The following RUNDC3A variants were observed in gnomAD, a reference collection of about 807,000 sequenced individuals.
The protein encoded by RUNDC3A is RUN domain-containing protein 3A.
RUNDC3A carries 28 observed loss-of-function variants against 53.9 expected under a neutral mutation model. That is an observed-to-expected ratio of 0.52 (90% CI 0.38 to 0.71). The LOEUF (loss-of-function observed/expected upper bound fraction) is 0.71, where lower values mean the gene tolerates loss of function less well. Among genes scored for constraint, RUNDC3A ranks in the 30% least tolerant of loss-of-function variants. The probability of loss-of-function intolerance (pLI) is 0.00; values close to 1 mark genes in which losing one functional copy is unlikely to be tolerated. For synonymous variants in RUNDC3A, 232 were observed against 249.4 expected (o/e 0.93, Z 0.66); for missense variants, 491 against 597.3 (o/e 0.82, Z 1.85).
At chr17:44,311,424 C>G in intron 1 of RUNDC3A, 1 of 822,562 alleles carries the variant, frequency 1.2e-6, no homozygotes, top group Non-Finnish European at 1.5e-6. Context: ...CCGAACAGAT[C>G]AGTCAACCTC....
rs1239584311 is a variant in RUNDC3A at position 44,318,295 on chromosome 17, TTTC to T, written c.*61_*63del. 9 of 1,511,666 alleles carry T rather than the reference TTTC, an allele frequency of 6.0e-6. No individual in the cohort carries two copies. Among genetic ancestry groups the T allele is most frequent in the Non-Finnish European group, 8.1e-6 (9 of 1,116,518 alleles). 93.6% of individuals were successfully genotyped at this position (1,511,666 alleles called of 1,614,324 possible). On this transcript the variant is annotated 3_prime_UTR_variant, in exon 11 of 11. Transcript: ENST00000426726. ...CCAGGGGCCATGGACACCTGCCACC[TTTC>T]TTCAACAAGAGTCCCCCAATCCAGG...
chr17:44,312,735 C>T (rs1449308473), intron 2 of RUNDC3A, 40 bp downstream of exon 2: 9 of 1,032,298 alleles, frequency 8.7e-6, no homozygotes, highest in East Asian at 2.9e-5. Flanking sequence ...CCTCCCCCAG[C>T]GCCCCTCCCC....
rs2047794762 is a variant in RUNDC3A, at chr17:44,313,670, G to A, written c.458+167G>A. 6 of 1,338,026 alleles carry A rather than the reference G, an allele frequency of 4.5e-6. No homozygotes were observed. The South Asian group carries it at 9.9e-5, about 22-fold the overall frequency. 82.9% of individuals were successfully genotyped at this position (1,338,026 alleles called of 1,614,324 possible). A position where few individuals can be genotyped will look rare whatever the true frequency, so the allele number is the denominator to read the frequency against. On this transcript the variant is annotated intron_variant, in intron 4 of 10. Coordinates refer to ENST00000426726, the MANE Select transcript of RUNDC3A (RefSeq NM_001144825.2). The stretch of plus-strand genomic sequence containing the variant: ...CTTCCAGCCTGGCCTGCAGTCCCAG[G>A]ACGAACTCTTTTTTTTTTTTTTTTT...
chr17:44,313,677 T>TA, intron 4 of RUNDC3A, 174 bp downstream of exon 4: 8 of 1,141,518 alleles, frequency 7.0e-6, no homozygotes, highest in Non-Finnish European at 8.9e-6. Flanking sequence ...CAGGACGAAC[T>TA]CTTTTTTTTT....
At chr17:44,313,379 C>G (rs771787026) in intron 3 of RUNDC3A, 39 bp from the exon 4 acceptor site, 1 of 1,613,182 alleles carries the variant, frequency 6.2e-7, no homozygotes, top group Non-Finnish European at 8.5e-7. Context: ...ACACATGAGT[C>G]CCTCTGGGGC....
rs555978061 is a variant in RUNDC3A at position 44,316,060 on chromosome 17, T to C, written c.954-325T>C. 2.9e-3 allele frequency among the ~76,000 whole-genome samples: 440 copies of C among 152,102 alleles called. 2 individuals are homozygous for C. The highest frequency in any genetic ancestry group is 0.01 in the African/African-American group (417 of 41,476). On this transcript the variant is annotated intron_variant, in intron 8 of 10. Coordinates refer to ENST00000426726, the MANE Select transcript of RUNDC3A (RefSeq NM_001144825.2). ...TCTTCTCTACGCCTTTCCACCACCC[T>C]GATCTTGCGGCAAGATCCCCAAGAC...
chr17:44,311,137 C>G (rs1567852311), intron 1 of RUNDC3A: 2 of 985,592 alleles, frequency 2.0e-6, no homozygotes, highest in East Asian at 2.3e-4. Context: ...AGTGCAACCC[C>G]AAGACTGACC....
rs1238286599 is a variant in RUNDC3A, at chr17:44,315,632, C to G, written c.953+23C>G. On this transcript the variant is annotated intron_variant, in intron 8 of 10. Transcript: ENST00000426726. The surrounding 1 kb of genome is among the most constrained non-coding windows in gnomAD (Gnocchi z 6.1). ...GCTGTGAGCGCACGGCCTGCCCTAA[C>G]CCCTGACCCCCGCCGCCCCGACCAC... The G allele has an allele frequency of 7.1e-7, 1 of 1,408,446 alleles. No individual in the cohort carries two copies. The highest frequency in any genetic ancestry group is 9.3e-7 in the Non-Finnish European group (1 of 1,071,686). The allele number at this position is 1,408,446 out of a possible 1,614,324, so 87.2% of individuals were successfully genotyped here. A position where few individuals can be genotyped will look rare whatever the true frequency, so the allele number is the denominator to read the frequency against.
In RUNDC3A at chr17:44,312,707, G is replaced by A. The variant is rs760146044; in HGVS notation, c.223+12G>A. On this transcript the variant is annotated intron_variant, in intron 2 of 10. Transcript: ENST00000426726. ...CCACCGCTTCAAAGGTGGGCCCAGC[G>A]CCCCTCCCCCAGCGGTCCCTCCCCC... is the stretch of plus-strand genomic sequence containing the variant. 37 of 1,449,008 alleles carry A rather than the reference G, an allele frequency of 2.6e-5. No individual in the cohort carries two copies. The highest frequency in any genetic ancestry group is 4.4e-5 in the Admixed American group (2 of 45,514). The allele number at this position is 1,449,008 out of a possible 1,614,324, so 89.8% of individuals were successfully genotyped here. A position where few individuals can be genotyped will look rare whatever the true frequency, so the allele number is the denominator to read the frequency against.
chr17:44,310,925 C>T (rs754128032), intron 1 of RUNDC3A: 107 of 985,438 alleles, frequency 1.1e-4, no homozygotes, highest in African/African-American at 2.3e-4. Context: ...TTCCCAGCCA[C>T]GACCCCGCTC....
chr17:44,312,603 A>G lies in RUNDC3A; in HGVS notation c.131A>G (p.Glu44Gly). 1 of 1,576,890 alleles carries G rather than the reference A, an allele frequency of 6.3e-7. No individual in the cohort carries two copies. Among genetic ancestry groups the G allele is most frequent in the South Asian group, 1.2e-5 (1 of 85,524 alleles). The part of the protein sequence containing the change: ...VCRFSVKTLL[E>G]KYTAEPIDDS... ...AGGTTCTCTGTGAAAACGCTGCTGG[A>G]GAAGTACACAGCGGAGCCCATCGAT... Residue 44 changes from glutamate to glycine, a missense_variant, in exon 2 of 11, where the codon GAG becomes GGG. Transcript: ENST00000426726.
Position 44,313,500 on chromosome 17 carries a change from C to T in RUNDC3A, c.455C>T (p.Thr152Ile). ...ITTALRDTRTTRRFYDSGAIM... is the reference protein window; with the variant it reads ...ITTALRDTRTIRRFYDSGAIM... ...ACGGCTCTGCGTGACACCCGGACCA[C>T]CAGGTCAGACTTCCCAGGCAACTCA... The change falls in exon 4 of 11, where the codon ACC (threonine) becomes ATC (isoleucine). Residue 152 changes from threonine to isoleucine, a missense_variant. Transcript: ENST00000426726. The T allele has an allele frequency of 6.2e-7, 1 of 1,608,048 alleles. No individual in the cohort carries two copies. Among genetic ancestry groups the T allele is most frequent in the South Asian group, 1.1e-5 (1 of 90,900 alleles).
intron 10 of RUNDC3A, chr17:44,317,681 G>A: frequency 1.5e-6 from 1 of 648,816 alleles, no homozygotes; most frequent in South Asian, 1.7e-5. Context: ...TTGAGACAAG[G>A]CAGGCTGTGG....
rs1455292043 is a variant in RUNDC3A at position 44,318,234 on chromosome 17, G to A, written c.1337G>A (p.Ser446Asn). The A allele has an allele frequency of 2.6e-6, 4 of 1,550,164 alleles. No individual in the cohort carries two copies. The highest frequency in any genetic ancestry group is 2.6e-6 in the Non-Finnish European group (3 of 1,146,482). ...SPEGSPALSP[S>N] ...GAGGGCAGCCCAGCACTGAGCCCCA[G>A]CTGAGGAACAGCATGGGCAGTGCCA... Residue 446 changes from serine (S) to asparagine (N), a missense_variant, in exon 11 of 11, where the codon AGC (serine) becomes AAC (asparagine). Coordinates refer to ENST00000426726, the MANE Select transcript of RUNDC3A (RefSeq NM_001144825.2).
rs913920378 is a variant in RUNDC3A, at chr17:44,318,531, G to A, written c.*293G>A. The A allele has an allele frequency of 1.0e-5, 4 of 389,110 alleles. No individual in the cohort carries two copies. Among genetic ancestry groups the A allele is most frequent in the African/African-American group, 2.0e-5 (1 of 49,768 alleles). The allele number at this position is 389,110 out of a possible 1,614,324, so 24.1% of individuals were successfully genotyped here. ...TGGCGCTCCTTCACTCATCTCCCCTGCCCCCTCAGGAACTGGTGGCCCAGC... is the reference window on the plus strand; with the variant it reads ...TGGCGCTCCTTCACTCATCTCCCCTACCCCCTCAGGAACTGGTGGCCCAGC... On this transcript the variant is annotated 3_prime_UTR_variant, in exon 11 of 11. Transcript: ENST00000426726.
rs2047915530 is a variant in RUNDC3A at position 44,318,271 on chromosome 17, CA to C, written c.*34del. 6.5e-7 allele frequency: 1 copy of C among 1,534,698 alleles called. No individual in the cohort carries two copies. On this transcript the variant is annotated 3_prime_UTR_variant, in exon 11 of 11. Coordinates refer to ENST00000426726, the MANE Select transcript of RUNDC3A (RefSeq NM_001144825.2). ...CATGGGCAGTGCCAGCCCCACCTGCCAGGGGCCATGGACACCTGCCACCTTT... is the reference window on the plus strand; with the variant it reads ...CATGGGCAGTGCCAGCCCCACCTGCCGGGGCCATGGACACCTGCCACCTTT...
Position 44,316,532 on chromosome 17 carries a change from A to G in RUNDC3A, c.1091+10A>G, listed in dbSNP as rs902190906. ...CCAAGCTCTACCGGAGGTAAGCCCC[A>G]GCCAGGTGGGGCTTGGGCCTGAGAG... On this transcript the variant is annotated intron_variant, in intron 9 of 10. Coordinates refer to ENST00000426726, the MANE Select transcript of RUNDC3A (RefSeq NM_001144825.2). 1 of 1,610,394 alleles carries G rather than the reference A, an allele frequency of 6.2e-7. No individual in the cohort carries two copies. The highest frequency in any genetic ancestry group is 8.5e-7 in the Non-Finnish European group (1 of 1,178,492).
rs977521078 is a variant in RUNDC3A, at chr17:44,308,678, G to T, written c.-155G>T. 6.4e-6 allele frequency: 3 copies of T among 467,786 alleles called. No homozygotes were observed. Among genetic ancestry groups the T allele is most frequent in the Non-Finnish European group, 1.1e-5 (3 of 266,888 alleles). The allele number at this position is 467,786 out of a possible 1,614,324, so 29.0% of individuals were successfully genotyped here. A position where few individuals can be genotyped will look rare whatever the true frequency, so the allele number is the denominator to read the frequency against. ...CATCGCCGCCGGGGGAGGGAGCGAG[G>T]GGGCCGGGCACCGGGCGCAAAGGCA... On this transcript the variant is annotated 5_prime_UTR_variant, in exon 1 of 11. Coordinates refer to ENST00000426726, the MANE Select transcript of RUNDC3A (RefSeq NM_001144825.2).
Position 44,313,805 on chromosome 17 carries a change from C to T in RUNDC3A, c.458+302C>T, listed in dbSNP as rs2047798762. The T allele has an allele frequency of 1.7e-5, 14 of 839,298 alleles. No individual in the cohort carries two copies. The South Asian group carries it at 5.1e-4, about 31-fold the overall frequency. 52.0% of individuals were successfully genotyped at this position (839,298 alleles called of 1,614,324 possible). A position where few individuals can be genotyped will look rare whatever the true frequency, so the allele number is the denominator to read the frequency against. On this transcript the variant is annotated intron_variant, in intron 4 of 10. Coordinates refer to ENST00000426726, the MANE Select transcript of RUNDC3A (RefSeq NM_001144825.2). Reference sequence around the variant, plus strand: ...CAAGCGATTCTCCTGCCTCAGCCTCCTGAGTAGCTGGGATTACAGGCATAC... The same window carrying T: ...CAAGCGATTCTCCTGCCTCAGCCTCTTGAGTAGCTGGGATTACAGGCATAC...
Sources: allele counts gnomAD v4.1 joint callset (sites outside exome capture counted in the v4.1 genomes callset), GRCh38; gene constraint gnomAD v4.1.1; non-coding constraint Gnocchi (gnomAD v3.1); transcripts MANE v1.5; gene names NCBI Gene and HGNC (gene_info 2026-07-23, HGNC 2026-07-21).